The following RBFOX1 variants were observed in gnomAD, a reference collection of about 807,000 sequenced individuals.
RBFOX1 encodes the protein RNA binding fox-1 homolog 1.
Under a neutral mutation model 57.7 loss-of-function variants are expected in RBFOX1, and 8 were observed. The observed-to-expected ratio is 0.14, with a 90% CI of 0.08 to 0.25. RBFOX1 has a LOEUF of 0.25. Among genes scored for constraint, RBFOX1 ranks in the 10% least tolerant of loss-of-function variants. The pLI is 1.00. For missense variants in RBFOX1, 611 were observed against 548.5 expected (o/e 1.11, Z -1.14); for synonymous variants, 326 against 222.4 (o/e 1.47, Z -4.15).
intron 1 of RBFOX1, among the ~76,000 whole-genome samples, chr16:5,245,940 A>T (rs1195656118): frequency 6.6e-6 from 1 of 152,196 alleles, no homozygotes; most frequent in Non-Finnish European, 1.5e-5. Flanking sequence ...TTTTAGTTGA[A>T]TTAAGCAATC....
intron 2 of RBFOX1, among the ~76,000 whole-genome samples, chr16:6,318,621 C>G (rs192229319): frequency 3.5e-4 from 54 of 152,156 alleles, no homozygotes; most frequent in African/African-American, 1.2e-3. Flanking sequence ...TGTTCCAACC[C>G]TGCACTGGGA....
intron 3 of RBFOX1, among the ~76,000 whole-genome samples, chr16:6,810,865 CT>C (rs1414723308): frequency 5.3e-5 from 8 of 152,258 alleles, no homozygotes; most frequent in African/African-American, 1.9e-4. Context: ...ACAAGCCTCC[CT>C]CAACATGTGG....
chr16:6,992,318 A>G (rs755333453), intron 3 of RBFOX1, among the ~76,000 whole-genome samples: 5 of 152,068 alleles, frequency 3.3e-5, no homozygotes, highest in South Asian at 4.2e-4. Flanking sequence ...CCCAGGTTCA[A>G]GCAATTCTCC....
At chr16:6,515,097 G>T (rs946385111) in intron 2 of RBFOX1, among the ~76,000 whole-genome samples, 1 of 151,854 alleles carries the variant, frequency 6.6e-6, no homozygotes, top group Non-Finnish European at 1.5e-5. Context: ...GAGAGAAGGA[G>T]AGAAGAAATG....
At chr16:6,359,416 G>C (rs768416074) in intron 2 of RBFOX1, among the ~76,000 whole-genome samples, 2 of 152,044 alleles carry the variant, frequency 1.3e-5, no homozygotes, top group Non-Finnish European at 2.9e-5. Context: ...TTTGACTGTT[G>C]GTGATCTTCA....
intron 2 of RBFOX1, among the ~76,000 whole-genome samples, chr16:5,485,082 C>G (rs938294731): frequency 1.3e-5 from 2 of 151,770 alleles, no homozygotes; most frequent in Admixed American, 1.3e-4. Flanking sequence ...CACAGTGGCT[C>G]ACGCCTGTAA....
chr16:7,199,754 C>T (rs527596363), intron 4 of RBFOX1, among the ~76,000 whole-genome samples: 38 of 152,126 alleles, frequency 2.5e-4, no homozygotes, highest in Admixed American at 4.6e-4. Context: ...ATTAGCTGGG[C>T]ATGGTGGCAG....
intron 2 of RBFOX1, among the ~76,000 whole-genome samples, chr16:5,470,838 T>G (rs1222263725): frequency 6.6e-6 from 1 of 152,050 alleles, no homozygotes; most frequent in Non-Finnish European, 1.5e-5. Context: ...TTCATACCAG[T>G]GCAGTGATTA....
chr16:6,841,276 C>T (rs892160052), intron 3 of RBFOX1, among the ~76,000 whole-genome samples: 8 of 152,052 alleles, frequency 5.3e-5, no homozygotes, highest in East Asian at 1.9e-4. Context: ...GAATTCCTTG[C>T]GAGGTTTGAT....
intron 2 of RBFOX1, among the ~76,000 whole-genome samples, chr16:6,581,202 G>C (rs936579751): frequency 1.3e-5 from 2 of 152,078 alleles, no homozygotes; most frequent in African/African-American, 4.8e-5. Context: ...TCTTCAAGTA[G>C]GATTTCTAAA....
chr16:7,155,845 A>G (rs1192035865), intron 4 of RBFOX1, among the ~76,000 whole-genome samples: 1 of 151,288 alleles, frequency 6.6e-6, no homozygotes, highest in Non-Finnish European at 1.5e-5. Flanking sequence ...ATACCTATAT[A>G]TGTGATGAAC....
At chr16:5,344,206 G>T (rs555416648) in intron 1 of RBFOX1, among the ~76,000 whole-genome samples, 1 of 152,308 alleles carries the variant, frequency 6.6e-6, no homozygotes, top group African/African-American at 2.4e-5. Flanking sequence ...GTCTGCTGCT[G>T]TTGAGCTGTT....
chr16:7,584,575 G>T (rs2093993451), intron 6 of RBFOX1, among the ~76,000 whole-genome samples: 1 of 152,314 alleles, frequency 6.6e-6, no homozygotes, highest in South Asian at 2.1e-4. Context: ...ACAGGCATGA[G>T]CCACCATGCC....
intron 4 of RBFOX1, among the ~76,000 whole-genome samples, chr16:5,957,184 C>T (rs1462732528): frequency 6.6e-6 from 1 of 152,084 alleles, no homozygotes; most frequent in Non-Finnish European, 1.5e-5. Context: ...ATGCTACGAT[C>T]ACACTATGAG....
chr16:6,289,295 A>G (rs1381789451), intron 1 of RBFOX1, among the ~76,000 whole-genome samples: 2 of 152,032 alleles, frequency 1.3e-5, no homozygotes, highest in South Asian at 4.1e-4. Flanking sequence ...GTAGGATGGA[A>G]GGGTGGATAT....
At chr16:6,519,405 C>A (rs2096456676) in intron 2 of RBFOX1, among the ~76,000 whole-genome samples, 1 of 152,128 alleles carries the variant, frequency 6.6e-6, no homozygotes. Flanking sequence ...ATATTCATTT[C>A]TGATGGAAAC....
At chr16:7,186,922 C>G (rs928257591) in intron 4 of RBFOX1, among the ~76,000 whole-genome samples, 2 of 142,464 alleles carry the variant, frequency 1.4e-5, no homozygotes, top group Admixed American at 7.5e-5. Context: ...CTTTGGGAAA[C>G]TGAGGCAGGC....
chr16:6,225,508 G>A (rs2097409745), intron 1 of RBFOX1, among the ~76,000 whole-genome samples: 1 of 152,120 alleles, frequency 6.6e-6, no homozygotes, highest in African/African-American at 2.4e-5. Context: ...TTAGATAACT[G>A]CTCATTAAAA....
At chr16:7,656,161 A>C (rs1308848234) in intron 12 of RBFOX1, among the ~76,000 whole-genome samples, 1 of 152,224 alleles carries the variant, frequency 6.6e-6, no homozygotes, top group East Asian at 1.9e-4. Context: ...GCAGAGAAGC[A>C]GGAGCCCCAG....
Sources: gnomAD v4.1 joint callset for allele counts (sites outside exome capture counted in the v4.1 genomes callset) on GRCh38, gnomAD v4.1.1 for gene constraint, MANE v1.5 for transcripts, NCBI Gene and HGNC (gene_info 2026-07-23, HGNC 2026-07-21) for gene names.